ERN1: variants seen among roughly 807,000 people sequenced by gnomAD.
ERN1 encodes the protein endoplasmic reticulum to nucleus signaling 1.
A neutral mutation model predicts 113.1 loss-of-function variants in ERN1; 39 were observed. The ratio of observed to expected loss-of-function variants is 0.34; its 90% CI spans 0.27 to 0.45. ERN1 has a LOEUF of 0.45. Ranked by LOEUF, ERN1 falls within the 20% of genes least tolerant of loss-of-function variation. The pLI is 1.00. For synonymous variants in ERN1, 507 were observed against 515.9 expected (o/e 0.98, Z 0.23); for missense variants, 976 against 1,274.8 (o/e 0.77, Z 3.57).
At chr17:64,080,331 A>G (rs550232372) in intron 3 of ERN1, 2 of 165,678 alleles carry the variant, frequency 1.2e-5, no homozygotes, top group South Asian at 1.5e-4. Context: ...AGACTAAACT[A>G]TAACTACAGT....
intron 1 of ERN1, among the ~76,000 whole-genome samples, chr17:64,125,674 A>G (rs771375899): frequency 6.6e-6 from 1 of 152,182 alleles, no homozygotes; most frequent in Admixed American, 6.5e-5. Flanking sequence ...TTTTTAGTAC[A>G]GACGGAGTTT....
intron 1 of ERN1, among the ~76,000 whole-genome samples, chr17:64,110,200 A>T (rs1914636377): frequency 6.6e-6 from 1 of 152,200 alleles, no homozygotes; most frequent in Non-Finnish European, 1.5e-5. Flanking sequence ...AGTCTTTTTA[A>T]AAAAAGTTTG....
Position 64,054,303 on chromosome 17 carries a change from CCTT to C in ERN1, c.1897_1899del (p.Lys633del). 6.2e-7 allele frequency: 1 copy of C among 1,613,898 alleles called. No individual in the cohort carries two copies. Among genetic ancestry groups the C allele is most frequent in the South Asian group, 1.1e-5 (1 of 91,022 alleles). On this transcript the variant is annotated inframe_deletion, in exon 15 of 22. Coordinates refer to ENST00000433197, the MANE Select transcript of ERN1 (RefSeq NM_001433.5). The surrounding 1 kb of genome is among the most constrained non-coding windows in gnomAD (Gnocchi z 4.9). ...ATGGCAATGTACTGGAATTGCCGGTCCTTCTCCGTGCAGAAGTAGCGGATCACG... is the reference window on the plus strand; with the variant it reads ...ATGGCAATGTACTGGAATTGCCGGTCCTCCGTGCAGAAGTAGCGGATCACG...
chr17:64,079,629 C>T lies in ERN1; in HGVS notation c.282+33G>A, dbSNP rs749434179. The T allele has an allele frequency of 5.7e-6, 9 of 1,565,726 alleles. No homozygotes were observed. The African/African-American group carries it at 9.5e-5, about 16-fold the overall frequency. ...ACTTAAGGACCGCTGGTCTAGAACC[C>T]CTGGAGTACAAAAAGCAGCTAAATA... On this transcript the variant is annotated intron_variant, in intron 4 of 21. Transcript: ENST00000433197.
At chr17:64,067,558 T>C (rs1171867732) in intron 7 of ERN1, among the ~76,000 whole-genome samples, 2 of 151,196 alleles carry the variant, frequency 1.3e-5, no homozygotes, top group African/African-American at 4.9e-5. Flanking sequence ...CAGTGAGCCC[T>C]GACTGCACTC....
In ERN1 at chr17:64,042,255, C is replaced by T. The variant is rs895023219; in HGVS notation, c.*1733G>A. 6.6e-6 allele frequency: 1 copy of T among 152,130 alleles called. No homozygotes were observed. Among genetic ancestry groups the T allele is most frequent in the Non-Finnish European group, 1.5e-5 (1 of 68,048 alleles). 9.4% of individuals were successfully genotyped at this position (152,130 alleles called of 1,614,324 possible). The stretch of plus-strand genomic sequence containing the variant: ...GCTTAGAAGACGCCAAGGACACCGA[C>T]CAAGGGCCAAGGTTCCAAGGCCTAA... On this transcript the variant is annotated 3_prime_UTR_variant, in exon 22 of 22. Coordinates refer to ENST00000433197, the MANE Select transcript of ERN1 (RefSeq NM_001433.5).
In ERN1 at chr17:64,042,438, C is replaced by G. The variant is rs1357911396; in HGVS notation, c.*1550G>C. On this transcript the variant is annotated 3_prime_UTR_variant, in exon 22 of 22. Transcript: ENST00000433197. ...ATACAAATACACAAACAGAAAACAT[C>G]TTACAACATGAAGAAACAGTGATTT... 6.6e-6 allele frequency: 1 copy of G among 152,198 alleles called. No homozygotes were observed. Among genetic ancestry groups the G allele is most frequent in the Non-Finnish European group, 1.5e-5 (1 of 68,040 alleles). The allele number at this position is 152,198 out of a possible 1,614,324, so 9.4% of individuals were successfully genotyped here. A position where few individuals can be genotyped will look rare whatever the true frequency, so the allele number is the denominator to read the frequency against.
chr17:64,063,934 C>T lies in ERN1; in HGVS notation c.1087+52G>A. On this transcript the variant is annotated intron_variant, in intron 10 of 21. Transcript: ENST00000433197. The surrounding 1 kb of genome is among the most constrained non-coding windows in gnomAD (Gnocchi z 5.1). ...AACTACCAGGGCCGGCGGTCGCCCA[C>T]CAGGAGGCAGCACGCTGTCACCTCA... 2 of 1,580,640 alleles carry T rather than the reference C, an allele frequency of 1.3e-6. No individual in the cohort carries two copies. Among genetic ancestry groups the T allele is most frequent in the Admixed American group, 1.7e-5 (1 of 58,692 alleles).
At chr17:64,057,770 G>A (rs370354961) in intron 12 of ERN1, 32 bp downstream of exon 12, 114 of 1,601,434 alleles carry the variant, frequency 7.1e-5, no homozygotes, top group Non-Finnish European at 9.3e-5. Flanking sequence ...CCAGAAATAG[G>A]TGGATGGCAA....
intron 2 of ERN1, among the ~76,000 whole-genome samples, chr17:64,087,528 C>T (rs949481647): frequency 2.0e-5 from 3 of 152,050 alleles, no homozygotes; most frequent in Admixed American, 2.0e-4. Context: ...TTTAAGTGTA[C>T]CTCTAGCAGT....
rs183564033 is a variant in ERN1 at position 64,069,944 on chromosome 17, G to T, written c.479-1653C>A. Reference sequence around the variant, plus strand: ...GGACTGCAGTAGAACATCTCTAAAGGTCACTACCACCAATTCTTCCCATTC... The same window carrying T: ...GGACTGCAGTAGAACATCTCTAAAGTTCACTACCACCAATTCTTCCCATTC... On this transcript the variant is annotated intron_variant, in intron 6 of 21. Transcript: ENST00000433197. Among the ~76,000 whole-genome samples the T allele has an allele frequency of 8.2e-4, 125 of 152,166 alleles. 3 individuals are homozygous for T. The East Asian group carries it at 0.016, about 20-fold the overall frequency.
chr17:64,100,830 C>T (rs192903990), intron 1 of ERN1, among the ~76,000 whole-genome samples: 108 of 152,210 alleles, frequency 7.1e-4, no homozygotes, highest in African/African-American at 2.3e-3. Flanking sequence ...CTTCAGAGAG[C>T]TCTGTGAATG....
In ERN1 at chr17:64,058,041, TAC is replaced by T; in HGVS notation, c.1207-50_1207-49del. The stretch of plus-strand genomic sequence containing the variant: ...CATCACTGCAAAATTTCTAGCCAGA[TAC>T]AGATGAGGCCAGCAATCAAGAGAAG... On this transcript the variant is annotated intron_variant, in intron 11 of 21. Transcript: ENST00000433197. 2.1e-6 allele frequency: 3 copies of T among 1,399,652 alleles called. No homozygotes were observed. In the South Asian group the frequency reaches 4.3e-5, roughly 20 times the overall value. 86.7% of individuals were successfully genotyped at this position (1,399,652 alleles called of 1,614,324 possible). A position where few individuals can be genotyped will look rare whatever the true frequency, so the allele number is the denominator to read the frequency against.
intron 11 of ERN1, 27 bp downstream of exon 11, chr17:64,060,441 AC>A (rs1567865374): frequency 6.8e-7 from 1 of 1,459,892 alleles, no homozygotes; most frequent in Non-Finnish European, 9.6e-7. Context: ...AACACCAACA[AC>A]CCCCGACTGG....
chr17:64,103,487 A>G (rs1285694686), intron 1 of ERN1, among the ~76,000 whole-genome samples: 2 of 139,856 alleles, frequency 1.4e-5, no homozygotes, highest in African/African-American at 5.5e-5. Context: ...ACAGAGTAAG[A>G]CTCCATCTCA....
Position 64,054,500 on chromosome 17 carries a change from T to C in ERN1, c.1764-61A>G. The C allele has an allele frequency of 6.8e-7, 1 of 1,470,934 alleles. No individual in the cohort carries two copies. Among genetic ancestry groups the C allele is most frequent in the Non-Finnish European group, 9.2e-7 (1 of 1,084,386 alleles). 91.1% of individuals were successfully genotyped at this position (1,470,934 alleles called of 1,614,324 possible). On this transcript the variant is annotated intron_variant, in intron 14 of 21. Transcript: ENST00000433197. This position sits in a 1 kb window ranked among gnomAD's most constrained non-coding sequence, Gnocchi z 4.9. ...CACGAGTCAGGCTGTGTAAATGAGGTGAGAACCTGGGTCCACAGCATTCAC... is the reference window on the plus strand; with the variant it reads ...CACGAGTCAGGCTGTGTAAATGAGGCGAGAACCTGGGTCCACAGCATTCAC...
At chr17:64,118,803 C>T (rs1300978892) in intron 1 of ERN1, among the ~76,000 whole-genome samples, 34 of 152,168 alleles carry the variant, frequency 2.2e-4, no homozygotes, top group Non-Finnish European at 4.4e-5. Context: ...TTCGAGGGAA[C>T]TCTGCCTGAC....
chr17:64,118,875 C>T (rs1308060177), intron 1 of ERN1, among the ~76,000 whole-genome samples: 2 of 152,180 alleles, frequency 1.3e-5, no homozygotes, highest in African/African-American at 4.8e-5. Context: ...TCACAGCCTG[C>T]ACCCTCCCAC....
At chr17:64,121,060 A>G (rs1166275639) in intron 1 of ERN1, among the ~76,000 whole-genome samples, 1 of 151,976 alleles carries the variant, frequency 6.6e-6, no homozygotes, top group African/African-American at 2.4e-5. Flanking sequence ...AGTGAGACAC[A>G]CTCCCAGGGG....
Sources: allele counts gnomAD v4.1 joint callset (sites outside exome capture counted in the v4.1 genomes callset), GRCh38; gene constraint gnomAD v4.1.1; non-coding constraint Gnocchi (gnomAD v3.1); transcripts MANE v1.5; gene names NCBI Gene and HGNC (gene_info 2026-07-23, HGNC 2026-07-21).